Variants in CRACDL observed in about 807,000 individuals in gnomAD.
CRACDL encodes CRACD-like protein.
A neutral mutation model predicts 70.6 loss-of-function variants in CRACDL; 26 were observed. That is an observed-to-expected ratio of 0.37 (90% CI 0.27 to 0.51). The LOEUF is 0.51. Ranked by LOEUF, CRACDL falls within the 20% of genes least tolerant of loss-of-function variation. The pLI is 0.94. For synonymous variants in CRACDL, 618 were observed against 615.2 expected, an observed-to-expected ratio of 1.00 and a Z score of -0.07; for missense variants, 1,283 against 1,376.9, an observed-to-expected ratio of 0.93 and a Z score of 1.08.
At chr2:98,799,571 T>A (rs1009781645) in intron 7 of CRACDL, among the ~76,000 whole-genome samples, 1 of 152,192 alleles carries the variant, frequency 6.6e-6, no homozygotes, top group East Asian at 1.9e-4. Context: ...CCCACTGACA[T>A]CTTCCCTGCA....
intron 3 of CRACDL, among the ~76,000 whole-genome samples, chr2:98,835,996 C>T (rs554115832): frequency 3.2e-4 from 49 of 152,186 alleles, no homozygotes; most frequent in African/African-American, 1.2e-3. Flanking sequence ...CTGGATCCAT[C>T]GAATGATGTA....
At chr2:98,820,393 G>A (rs1704979064) in intron 7 of CRACDL, among the ~76,000 whole-genome samples, 1 of 152,060 alleles carries the variant, frequency 6.6e-6, no homozygotes, top group African/African-American at 2.4e-5. Context: ...TTAGCCGGGT[G>A]TAGTATCGTG....
intron 1 of CRACDL, among the ~76,000 whole-genome samples, chr2:98,900,283 G>A (rs1225034739): frequency 1.4e-5 from 2 of 140,778 alleles, no homozygotes; most frequent in Non-Finnish European, 3.1e-5. Context: ...CAGTGGGAGG[G>A]GAGGTAGGGG....
intron 1 of CRACDL, among the ~76,000 whole-genome samples, chr2:98,913,319 G>T (rs532259514): frequency 2.6e-5 from 4 of 152,242 alleles, no homozygotes; most frequent in African/African-American, 4.8e-5. Flanking sequence ...ACATGAGAAC[G>T]GTCACCTCTG....
chr2:98,829,576 C>T (rs1705452111), intron 5 of CRACDL, among the ~76,000 whole-genome samples: 1 of 152,148 alleles, frequency 6.6e-6, no homozygotes. Context: ...TGGCTTGCTT[C>T]CAGTCACCCA....
intron 1 of CRACDL, among the ~76,000 whole-genome samples, chr2:98,908,939 TC>T (rs1708480434): frequency 1.3e-5 from 2 of 152,174 alleles, no homozygotes. Context: ...GCCAGAATAA[TC>T]CTAAAGGTTC....
At chr2:98,930,973 C>A (rs13417139) in intron 1 of CRACDL, among the ~76,000 whole-genome samples, 3 of 151,578 alleles carry the variant, frequency 2.0e-5, no homozygotes, top group African/African-American at 7.3e-5. Context: ...TGTCTACCAC[C>A]CCCCCACCCC....
intron 1 of CRACDL, among the ~76,000 whole-genome samples, chr2:98,886,129 C>A (rs1573144519): frequency 6.6e-6 from 1 of 152,296 alleles, no homozygotes; most frequent in Non-Finnish European, 1.5e-5. Flanking sequence ...AAACCAGCAG[C>A]CTGGCAGCTG....
chr2:98,820,813 C>T (rs1189880281), intron 7 of CRACDL, among the ~76,000 whole-genome samples: 1 of 152,220 alleles, frequency 6.6e-6, no homozygotes, highest in East Asian at 1.9e-4. Flanking sequence ...TTTATACAGA[C>T]TTGTGATTCC....
chr2:98,918,081 T>C lies in CRACDL; in HGVS notation c.-11+17857A>G, dbSNP rs1266208105. ...ATTGTGAACTGTGCTGTGATGAACATAAAAGTGCAGGTATCTTTTTAAAAT... is the reference window on the plus strand; with the variant it reads ...ATTGTGAACTGTGCTGTGATGAACACAAAAGTGCAGGTATCTTTTTAAAAT... On this transcript the variant is annotated intron_variant, in intron 1 of 9. Transcript: ENST00000397899. Among the ~76,000 whole-genome samples the C allele has an allele frequency of 3.3e-5, 5 of 152,212 alleles. No homozygotes were observed. The East Asian group carries it at 5.8e-4, about 18-fold the overall frequency.
intron 1 of CRACDL, among the ~76,000 whole-genome samples, chr2:98,928,484 G>A (rs1305010166): frequency 6.6e-6 from 1 of 152,124 alleles, no homozygotes; most frequent in African/African-American, 2.4e-5. Context: ...CAGAGCCCCA[G>A]ACAGCTGACC....
At chr2:98,875,420 T>C (rs2104605425) in intron 1 of CRACDL, among the ~76,000 whole-genome samples, 1 of 152,366 alleles carries the variant, frequency 6.6e-6, no homozygotes, top group South Asian at 2.1e-4. Context: ...AGCTGTGTCA[T>C]CTCAGACACT....
At chr2:98,876,580 T>C (rs1466948273) in intron 1 of CRACDL, among the ~76,000 whole-genome samples, 2 of 152,192 alleles carry the variant, frequency 1.3e-5, no homozygotes, top group Non-Finnish European at 2.9e-5. Context: ...TGGTGTGAGG[T>C]GGAACAACTT....
intron 6 of CRACDL, among the ~76,000 whole-genome samples, chr2:98,825,226 T>C (rs566903838): frequency 6.6e-6 from 1 of 152,242 alleles, no homozygotes; most frequent in East Asian, 1.9e-4. Context: ...GAGGAAAATA[T>C]GGACACCTCT....
intron 3 of CRACDL, among the ~76,000 whole-genome samples, chr2:98,833,973 C>T (rs1173515104): frequency 6.6e-6 from 1 of 152,232 alleles, no homozygotes; most frequent in Non-Finnish European, 1.5e-5. Context: ...TCTAATTAAA[C>T]TCTCACGCCT....
rs982809685 is a variant in CRACDL, at chr2:98,822,476, G to A, written c.1797C>T (p.Pro599=). 5 of 1,472,612 alleles carry A rather than the reference G, an allele frequency of 3.4e-6. No homozygotes were observed. The African/African-American group carries it at 4.4e-5, about 13-fold the overall frequency. 91.2% of individuals were successfully genotyped at this position (1,472,612 alleles called of 1,614,324 possible). A position where few individuals can be genotyped will look rare whatever the true frequency, so the allele number is the denominator to read the frequency against. ...RPLERASGRL[P]LARSGPVWRS... Reference sequence around the variant, plus strand: ...TCCAGACCGGGCCGCTCCTCGCGAGGGGCAGGCGGCCGCTGGCCCGTTCCA... The same window carrying A: ...TCCAGACCGGGCCGCTCCTCGCGAGAGGCAGGCGGCCGCTGGCCCGTTCCA... The change falls in exon 7 of 10, where the codon CCC becomes CCT. Residue 599 remains proline (P), a synonymous_variant. Coordinates refer to ENST00000397899, the MANE Select transcript of CRACDL (RefSeq NM_207362.3). The surrounding 1 kb of genome is among the most constrained non-coding windows in gnomAD (Gnocchi z 4.9).
At chr2:98,887,392 G>A (rs184921472) in intron 1 of CRACDL, among the ~76,000 whole-genome samples, 95 of 152,222 alleles carry the variant, frequency 6.2e-4, no homozygotes, top group Middle Eastern at 3.4e-3. Context: ...GGAGGCTGAG[G>A]CAGAGGATTT....
intron 1 of CRACDL, among the ~76,000 whole-genome samples, chr2:98,923,265 T>C (rs1174464846): frequency 2.0e-5 from 3 of 147,034 alleles, no homozygotes; most frequent in Admixed American, 6.7e-5. Flanking sequence ...AGTGAGACAC[T>C]GTCTCAAAAA....
At chr2:98,851,508 A>G (rs1002595316) in intron 1 of CRACDL, among the ~76,000 whole-genome samples, 1 of 152,128 alleles carries the variant, frequency 6.6e-6, no homozygotes, top group African/African-American at 2.4e-5. Context: ...GAAGACAGGG[A>G]AAACACCCAC....
Sources: gnomAD v4.1 joint callset for allele counts (sites outside exome capture counted in the v4.1 genomes callset) on GRCh38, gnomAD v4.1.1 for gene constraint, Gnocchi (gnomAD v3.1) non-coding constraint, MANE v1.5 for transcripts, NCBI Gene and HGNC (gene_info 2026-07-23, HGNC 2026-07-21) for gene names.